Variants in SS18 observed in about 807,000 individuals in gnomAD.
The protein encoded by SS18 is protein SSXT.
In SS18, 28 loss-of-function variants were observed where a neutral mutation model predicts 72.5. That is an observed-to-expected ratio of 0.39 (90% CI 0.29 to 0.53). SS18 has a LOEUF of 0.53. Among genes scored for constraint, SS18 ranks in the 20% least tolerant of loss-of-function variants. The probability of loss-of-function intolerance (pLI) is 0.76; values close to 1 mark genes in which losing one functional copy is unlikely to be tolerated. For missense variants in SS18, 518 were observed against 535.3 expected (o/e 0.97, Z 0.32); for synonymous variants, 172 against 164.2 (o/e 1.05, Z -0.37).
intron 2 of SS18, chr18:26,079,195 T>G (rs1300485739): frequency 6.6e-6 from 1 of 152,236 alleles, no homozygotes; most frequent in Non-Finnish European, 1.5e-5. Context: ...ACACTCAAGA[T>G]TAACTTTAAG....
chr18:26,046,297 A>G (rs7504836), intron 5 of SS18, among the ~76,000 whole-genome samples: 25,659 of 146,368 alleles, frequency 0.18, 5,208 homozygotes, highest in African/African-American at 0.48. Flanking sequence ...AGAATAATTT[A>G]AAAAGTAGTT....
intron 3 of SS18, among the ~76,000 whole-genome samples, chr18:26,075,466 AAAG>A (rs2054395198): frequency 6.6e-6 from 1 of 151,970 alleles, no homozygotes; most frequent in South Asian, 2.1e-4. Flanking sequence ...TTAACAGATT[AAAG>A]AAGAAAAAGT....
chr18:26,036,800 C>T (rs2070043325), intron 7 of SS18, among the ~76,000 whole-genome samples: 1 of 152,132 alleles, frequency 6.6e-6, no homozygotes, highest in Non-Finnish European at 1.5e-5. Context: ...TAAATACCTA[C>T]ATGAAGGGTT....
intron 2 of SS18, among the ~76,000 whole-genome samples, chr18:26,081,919 A>G (rs1229341618): frequency 6.6e-6 from 1 of 152,032 alleles, no homozygotes; most frequent in African/African-American, 2.4e-5. Context: ...TTAGCTGAGC[A>G]TGGTGGCACG....
At chr18:26,079,942 T>C (rs1372972885) in intron 2 of SS18, among the ~76,000 whole-genome samples, 1 of 140,898 alleles carries the variant, frequency 7.1e-6, no homozygotes, top group African/African-American at 2.6e-5. Context: ...GTTTCACAGC[T>C]TTTTTTTTTT....
chr18:26,069,975 T>C (rs935673025), intron 3 of SS18, among the ~76,000 whole-genome samples: 2 of 152,108 alleles, frequency 1.3e-5, no homozygotes, highest in African/African-American at 4.8e-5. Context: ...CACAAAAAAA[T>C]AGTCACACTT....
rs368021147 is a variant in SS18, at chr18:26,038,596, T to C, written c.839A>G (p.Gln280Arg). 5.6e-6 allele frequency: 9 copies of C among 1,613,570 alleles called. No individual in the cohort carries two copies. In the African/African-American group the frequency reaches 8.0e-5, roughly 14 times the overall value. The change falls in exon 7 of 11, where the codon CAA becomes CGA. Residue 280 changes from glutamine to arginine, a missense_variant. By Grantham distance (43) the Gln-to-Arg change is conservative. Coordinates refer to ENST00000415083, the MANE Select transcript of SS18 (RefSeq NM_001007559.3). ...YYGDQYSHGGQGPPEGMNQQY... is the reference protein window; with the variant it reads ...YYGDQYSHGGRGPPEGMNQQY... ...CTGGTTCATGCCTTCTGGAGGACCT[T>C]GTCCACCATGACTGTATTGGTCCCC...
At position 26,017,924 on chromosome 18, in the gene SS18, T is replaced by A. The variant is rs902422998; in HGVS notation, c.*430A>T. On this transcript the variant is annotated 3_prime_UTR_variant, in exon 11 of 11. Coordinates refer to ENST00000415083, the MANE Select transcript of SS18 (RefSeq NM_001007559.3). ...CGCCTTGCATATTCACCACATGAAA[T>A]AAACATAATATACAAAATATTGCTG... 1 of 238,232 alleles carries A rather than the reference T, an allele frequency of 4.2e-6. No individual in the cohort carries two copies. Among genetic ancestry groups the A allele is most frequent in the African/African-American group, 2.2e-5 (1 of 45,252 alleles). The allele number at this position is 238,232 out of a possible 1,614,324, so 14.8% of individuals were successfully genotyped here.
chr18:26,021,534 A>T (rs115923311), intron 10 of SS18, among the ~76,000 whole-genome samples: 2,324 of 152,170 alleles, frequency 0.015, 63 homozygotes, highest in African/African-American at 0.053. Flanking sequence ...TTCAATTTTT[A>T]AAAAAAATTC....
intron 4 of SS18, among the ~76,000 whole-genome samples, chr18:26,053,080 G>GGACT (rs1421025005): frequency 6.6e-6 from 1 of 152,104 alleles, no homozygotes; most frequent in African/African-American, 2.4e-5. Flanking sequence ...AAAGAAGGAA[G>GGACT]GACTAGCTTC....
intron 3 of SS18, among the ~76,000 whole-genome samples, chr18:26,062,804 A>G (rs939178286): frequency 2.0e-5 from 3 of 152,224 alleles, no homozygotes; most frequent in African/African-American, 7.2e-5. Context: ...TATTACGATA[A>G]AAGTTCAACA....
intron 3 of SS18, among the ~76,000 whole-genome samples, chr18:26,065,758 C>A (rs1348582408): frequency 5.1e-5 from 5 of 97,964 alleles, no homozygotes; most frequent in Non-Finnish European, 1.1e-4. Flanking sequence ...ATATAGCCAA[C>A]AAAAGACTTG....
At chr18:26,063,999 G>A (rs1055997590) in intron 3 of SS18, among the ~76,000 whole-genome samples, 2 of 152,122 alleles carry the variant, frequency 1.3e-5, no homozygotes, top group South Asian at 4.1e-4. Context: ...AATATGGGCA[G>A]TAAAAGGAAA....
At chr18:26,041,823 A>G (rs547327389) in intron 5 of SS18, among the ~76,000 whole-genome samples, 2 of 152,212 alleles carry the variant, frequency 1.3e-5, no homozygotes, top group African/African-American at 2.4e-5. Flanking sequence ...TTGTAGCTTA[A>G]GCCCTAGATA....
chr18:26,073,423 G>A (rs1801715348), intron 3 of SS18, among the ~76,000 whole-genome samples: 1 of 152,052 alleles, frequency 6.6e-6, no homozygotes, highest in African/African-American at 2.4e-5. Context: ...GAAAGTAAAA[G>A]GGAGAAAATC....
intron 3 of SS18, among the ~76,000 whole-genome samples, chr18:26,069,929 T>A (rs1041371838): frequency 1.3e-5 from 2 of 152,224 alleles, no homozygotes; most frequent in African/African-American, 4.8e-5. Context: ...AAATGCCATT[T>A]CTTCAAAGTA....
chr18:26,061,718 C>G (rs2054127433), intron 3 of SS18, among the ~76,000 whole-genome samples: 1 of 151,522 alleles, frequency 6.6e-6, no homozygotes, highest in Non-Finnish European at 1.5e-5. Context: ...AAAATACCTT[C>G]TAACATGAAG....
At chr18:26,041,873 T>C (rs1568000529) in intron 5 of SS18, among the ~76,000 whole-genome samples, 1 of 152,200 alleles carries the variant, frequency 6.6e-6, no homozygotes, top group Non-Finnish European at 1.5e-5. Context: ...TTTGGGACTG[T>C]GAGCAGTTCC....
chr18:26,088,116 T>C (rs2054648666), intron 1 of SS18, among the ~76,000 whole-genome samples: 1 of 152,218 alleles, frequency 6.6e-6, no homozygotes, highest in Non-Finnish European at 1.5e-5. Context: ...GTTTAATCAA[T>C]AATGTTTTAA....
Sources: allele counts gnomAD v4.1 joint callset (sites outside exome capture counted in the v4.1 genomes callset), GRCh38; gene constraint gnomAD v4.1.1; transcripts MANE v1.5; gene names NCBI Gene and HGNC (gene_info 2026-07-23, HGNC 2026-07-21).